CROCC: variants seen among roughly 807,000 people sequenced by gnomAD.
CROCC encodes ciliary rootlet coiled-coil, rootletin.
In CROCC, 180 loss-of-function variants were observed where a neutral mutation model predicts 245.2. That is an observed-to-expected ratio of 0.73 (90% confidence interval 0.65 to 0.83). The LOEUF is 0.83. Ranked by LOEUF, CROCC falls within the 40% of genes least tolerant of loss-of-function variation. The pLI is 0.00. For synonymous variants in CROCC, 1,205 were observed against 1,241.6 expected (o/e 0.97, Z 0.62); for missense variants, 2,688 against 2,779.4 (o/e 0.97, Z 0.74).
At chr1:16,951,144 T>G (rs747575011) in intron 20 of CROCC, 22 bp downstream of exon 20, 73 of 1,467,500 alleles carry the variant, frequency 5.0e-5, no homozygotes, top group Non-Finnish European at 5.5e-5. Context: ...TGGGGAGGGG[T>G]GGGCAGGACT....
intron 23 of CROCC, 31 bp from the exon 24 acceptor site, chr1:16,955,281 G>A (rs975539340): frequency 2.5e-6 from 4 of 1,595,364 alleles, no homozygotes; most frequent in South Asian, 2.2e-5. Context: ...GTCCCTGACC[G>A]CTGCCCTGGG....
At chr1:16,939,191 G>T (rs2075863818) in intron 12 of CROCC, 49 bp downstream of exon 12, 31 of 1,369,066 alleles carry the variant, frequency 2.3e-5, no homozygotes, top group Non-Finnish European at 2.8e-5. Flanking sequence ...CCTGGGGGAG[G>T]GGCTCGCGCC....
At position 16,939,875 on chromosome 1, in the gene CROCC, GT is replaced by G; in HGVS notation, c.1609-18del. ...GGCCTCTCAGGCCCCCCCAGACTCT[GT>G]GACCCCCCACACCCCAGGACATGCG... On this transcript the variant is annotated intron_variant, in intron 12 of 36. Coordinates refer to ENST00000375541, the MANE Select transcript of CROCC (RefSeq NM_014675.5). 1 of 1,611,138 alleles carries G rather than the reference GT, an allele frequency of 6.2e-7. No homozygotes were observed. The highest frequency in any genetic ancestry group is 8.5e-7 in the Non-Finnish European group (1 of 1,179,354).
In CROCC at chr1:16,928,530, G is replaced by A. The variant is rs563819551; in HGVS notation, c.352-1316G>A. ...TTTAAGATGGAGTCTTGGGCCGGAT[G>A]CTGTGGCTCACACCTGTAATCCCAG... On this transcript the variant is annotated intron_variant, in intron 3 of 36. Transcript: ENST00000375541. Among the ~76,000 whole-genome samples, 3 of 152,268 alleles carry A rather than the reference G, an allele frequency of 2.0e-5. No individual in the cohort carries two copies. The South Asian group carries it at 6.2e-4, about 32-fold the overall frequency.
At chr1:16,953,594 T>G in intron 21 of CROCC, 113 bp downstream of exon 21, 2 of 1,015,018 alleles carry the variant, frequency 2.0e-6, no homozygotes, top group Non-Finnish European at 2.8e-6. Context: ...ACTGCCCTCT[T>G]GGGGGCCTCA....
chr1:16,936,954 G>A (rs2075804497), intron 9 of CROCC, 81 bp downstream of exon 9: 9 of 1,393,712 alleles, frequency 6.5e-6, no homozygotes, highest in Non-Finnish European at 9.0e-6. Flanking sequence ...GGGAGCATCT[G>A]TTCACTAGGG....
At chr1:16,960,714 T>C (rs1199697831) in intron 26 of CROCC, 44 bp from the exon 27 acceptor site, 4 of 1,449,214 alleles carry the variant, frequency 2.8e-6, no homozygotes, top group Non-Finnish European at 3.6e-6. Flanking sequence ...GGGCGTCGGG[T>C]TGGGAGAGGT....
chr1:16,969,488 C>T (rs1034263426), intron 32 of CROCC, 148 bp downstream of exon 32: 10 of 853,490 alleles, frequency 1.2e-5, no homozygotes, highest in African/African-American at 8.7e-5. Context: ...GGGCGTGGGC[C>T]CAGTAGACCA....
chr1:16,970,120 T>C (rs1312735002), intron 33 of CROCC, 133 bp from the exon 34 acceptor site: 2 of 1,210,040 alleles, frequency 1.7e-6, no homozygotes, highest in Admixed American at 2.8e-5. Flanking sequence ...CAGGTTTGGC[T>C]TCAGGTGACA....
rs779403149 is a variant in CROCC, at chr1:16,931,361, G to C, written c.920G>C (p.Arg307Pro). The C allele has an allele frequency of 1.2e-6, 2 of 1,612,404 alleles. No homozygotes were observed. The highest frequency in any genetic ancestry group is 4.5e-5 in the East Asian group (2 of 44,870). Reference protein sequence around the residue: ...LLLWRQVVGFRRLVSEVKMFT... With the variant: ...LLLWRQVVGFPRLVSEVKMFT... ...CTCTGGAGGCAGGTGGTGGGGTTCC[G>C]GCGGCTGGTCAGCGAGGTGAAGATG... The change falls in exon 8 of 37, where the codon CGG becomes CCG. Residue 307 changes from arginine (R) to proline (P), a missense_variant. Around this residue, in one of 9 missense-constraint regions of CROCC, gnomAD observed 972 missense variants for 895.3 expected, o/e 1.09. Coordinates refer to ENST00000375541, the MANE Select transcript of CROCC (RefSeq NM_014675.5).
chr1:16,931,252 T>C (rs1420875239), intron 7 of CROCC, 39 bp from the exon 8 acceptor site: 1 of 1,565,688 alleles, frequency 6.4e-7, no homozygotes, highest in Non-Finnish European at 8.8e-7. Flanking sequence ...GTAAACCCGC[T>C]CTCACACCAA....
chr1:16,936,694 G>C lies in CROCC; in HGVS notation c.1014G>C (p.Ala338=), dbSNP rs189337269. 6.2e-7 allele frequency: 1 copy of C among 1,602,074 alleles called. No individual in the cohort carries two copies. The highest frequency in any genetic ancestry group is 8.5e-7 in the Non-Finnish European group (1 of 1,174,804). ...GGACATCACGAGCTGTCCAGGAGGCGGGCCTGGGACTGAGCACGGGCCTAC... is the reference window on the plus strand; with the variant it reads ...GGACATCACGAGCTGTCCAGGAGGCCGGCCTGGGACTGAGCACGGGCCTAC... The part of the protein sequence containing the change: ...LARTSRAVQE[A]GLGLSTGLRL... The change falls in exon 9 of 37, where the codon GCG becomes GCC. Residue 338 remains alanine, a synonymous_variant. Transcript: ENST00000375541.
chr1:16,930,340 C>A lies in CROCC; in HGVS notation c.676C>A (p.Gln226Lys), dbSNP rs1473966725. The A allele has an allele frequency of 3.7e-6, 6 of 1,610,338 alleles. No individual in the cohort carries two copies. The East Asian group carries it at 1.3e-4, about 36-fold the overall frequency. Residue 226 changes from glutamine (Q) to lysine (K), a missense_variant, in exon 6 of 37, where the codon CAG (glutamine) becomes AAG (lysine). This residue lies in a region of CROCC where 972 missense variants were observed against 895.3 expected (regional missense o/e 1.09). Transcript: ENST00000375541. ...ESALIRLEEE[Q>K]QRSASLAQVN... Reference sequence around the variant, plus strand: ...CGCCCTCATCCGGCTGGAGGAGGAGCAGCAGAGGTGAGGGCGCAGCAGGGA... The same window carrying A: ...CGCCCTCATCCGGCTGGAGGAGGAGAAGCAGAGGTGAGGGCGCAGCAGGGA...
Position 16,939,145 on chromosome 1 carries a change from A to G in CROCC, c.1608+3A>G. 7.1e-7 allele frequency: 1 copy of G among 1,415,848 alleles called. No individual in the cohort carries two copies. Among genetic ancestry groups the G allele is most frequent in the Admixed American group, 2.7e-5 (1 of 37,028 alleles). 87.7% of individuals were successfully genotyped at this position (1,415,848 alleles called of 1,614,324 possible). A position where few individuals can be genotyped will look rare whatever the true frequency, so the allele number is the denominator to read the frequency against. On this transcript the variant is annotated splice_donor_region_variant and intron_variant, in intron 12 of 36. Transcript: ENST00000375541. The stretch of plus-strand genomic sequence containing the variant: ...ACAAGCGCCAGCTGCAGGTCCAGGT[A>G]GGAAGGGGCTTGAGCGTTCTGGGCG...
At chr1:16,925,954 A>G (rs574608404) in intron 3 of CROCC, among the ~76,000 whole-genome samples, 1 of 152,364 alleles carries the variant, frequency 6.6e-6, no homozygotes, top group East Asian at 1.9e-4. Flanking sequence ...GCACAGTGCC[A>G]CACCCCCAGG....
rs536313354 is a variant in CROCC, at chr1:16,929,862, G to T, written c.368G>T (p.Arg123Leu). ...TCCCTGCAGCTGGAGCAGGCTCTGC[G>T]GCTGGAGCCTGGGGAGCTGGAGACG... is the stretch of plus-strand genomic sequence containing the variant. ...AVSERLEQAL[R>L]LEPGELETQE... The change falls in exon 4 of 37, where the codon CGG becomes CTG. Residue 123 changes from arginine (R) to leucine (L), a missense_variant. Arg to Leu is a moderately radical substitution (Grantham distance 102, BLOSUM62 -2). This residue lies in a region of CROCC where 972 missense variants were observed against 895.3 expected (regional missense o/e 1.09). Coordinates refer to ENST00000375541, the MANE Select transcript of CROCC (RefSeq NM_014675.5). The T allele has an allele frequency of 8.3e-5, 130 of 1,569,588 alleles. No individual in the cohort carries two copies. In the South Asian group the frequency reaches 1.4e-3, roughly 17 times the overall value.
Position 16,964,614 on chromosome 1 carries a change from A to G in CROCC, c.4406-1109A>G, listed in dbSNP as rs971116625. 2.0e-4 allele frequency among the ~76,000 whole-genome samples: 30 copies of G among 151,840 alleles called. 1 individual carries two copies. Among genetic ancestry groups the G allele is most frequent in the Admixed American group, 1.6e-3 (24 of 15,230 alleles). On this transcript the variant is annotated intron_variant, in intron 27 of 36. Transcript: ENST00000375541. ...TGGCCAGGCCGGTCTCGAACTGCTG[A>G]CCTCGTGATCTGCCCACCTCGGCAT...
intron 25 of CROCC, among the ~76,000 whole-genome samples, chr1:16,958,158 C>T (rs2076276722): frequency 6.6e-6 from 1 of 152,156 alleles, no homozygotes; most frequent in African/African-American, 2.4e-5. Flanking sequence ...TACTACCTAC[C>T]TCATATAGCA....
chr1:16,949,983 G>A (rs996938287), intron 19 of CROCC, among the ~76,000 whole-genome samples: 4 of 151,420 alleles, frequency 2.6e-5, no homozygotes, highest in African/African-American at 9.7e-5. Context: ...TGGTCAAGCT[G>A]GTCTCGAACT....
Sources: allele counts gnomAD v4.1 joint callset (sites outside exome capture counted in the v4.1 genomes callset), GRCh38; gene constraint gnomAD v4.1.1; regional missense constraint gnomAD v4.1.1; transcripts MANE v1.5; gene names NCBI Gene and HGNC (gene_info 2026-07-23, HGNC 2026-07-21).